The following CNTN6 variants were observed in gnomAD, a reference collection of about 807,000 sequenced individuals.
The protein encoded by CNTN6 is contactin 6, also known as contactin-6.
Under a neutral mutation model 122.8 loss-of-function variants are expected in CNTN6, and 137 were observed. That is an observed-to-expected ratio of 1.12 (90% confidence interval 0.97 to 1.29). The LOEUF is 1.29. CNTN6 is among the 50% of genes most tolerant of loss of function. The probability of loss-of-function intolerance (pLI) is 0.00; values close to 1 mark genes in which losing one functional copy is unlikely to be tolerated. For synonymous variants in CNTN6, 570 were observed against 426.0 expected (o/e 1.34, Z -4.16); for missense variants, 1,634 against 1,223.4 (o/e 1.34, Z -5.01).
chr3:1,380,769 G>T (rs1248657381), intron 17 of CNTN6, among the ~76,000 whole-genome samples: 2 of 152,192 alleles, frequency 1.3e-5, no homozygotes, highest in Admixed American at 1.3e-4. Context: ...CTGCATGCCA[G>T]ATGTGGCTAG....
At chr3:1,219,089 A>T (rs1250811049) in intron 2 of CNTN6, among the ~76,000 whole-genome samples, 2 of 152,254 alleles carry the variant, frequency 1.3e-5, no homozygotes, top group Admixed American at 1.3e-4. Context: ...GATAAAACAG[A>T]TCATCCTCAT....
chr3:1,400,967 GAGTT>G (rs1695613387), intron 20 of CNTN6, among the ~76,000 whole-genome samples: 1 of 151,990 alleles, frequency 6.6e-6, no homozygotes, highest in Non-Finnish European at 1.5e-5. Context: ...AAAATATCTT[GAGTT>G]AGTTGTGTTA....
At chr3:1,275,431 T>C (rs550381137) in intron 4 of CNTN6, among the ~76,000 whole-genome samples, 44 of 152,316 alleles carry the variant, frequency 2.9e-4, no homozygotes, top group Admixed American at 2.9e-3. Context: ...TCACGTATTA[T>C]TCACCTCTAG....
At chr3:1,354,552 T>G (rs1471270817) in intron 12 of CNTN6, among the ~76,000 whole-genome samples, 1 of 150,920 alleles carries the variant, frequency 6.6e-6, no homozygotes, top group Non-Finnish European at 1.5e-5. Context: ...CTTATTATGG[T>G]TTTTTTTCTT....
intron 4 of CNTN6, among the ~76,000 whole-genome samples, chr3:1,256,180 A>AT (rs1204412306): frequency 2.0e-5 from 3 of 152,060 alleles, no homozygotes; most frequent in Non-Finnish European, 4.4e-5. Flanking sequence ...ATAGAATGTA[A>AT]TTTTTAATTA....
intron 4 of CNTN6, among the ~76,000 whole-genome samples, chr3:1,261,649 A>T (rs1348548398): frequency 6.6e-6 from 1 of 152,122 alleles, no homozygotes; most frequent in Non-Finnish European, 1.5e-5. Context: ...ACTGTCCCCC[A>T]ATGTGACAGG....
chr3:1,259,761 T>G (rs1049997712), intron 4 of CNTN6, among the ~76,000 whole-genome samples: 1 of 152,146 alleles, frequency 6.6e-6, no homozygotes, highest in African/African-American at 2.4e-5. Context: ...TACATCAAAA[T>G]TATTTTGAGA....
chr3:1,379,299 C>A (rs1329688829), intron 17 of CNTN6, among the ~76,000 whole-genome samples: 1 of 152,098 alleles, frequency 6.6e-6, no homozygotes, highest in Non-Finnish European at 1.5e-5. Flanking sequence ...TAAATAAATC[C>A]ACCCATAGCT....
chr3:1,193,878 G>A (rs34211898), intron 2 of CNTN6, among the ~76,000 whole-genome samples: 29,399 of 151,978 alleles, frequency 0.19, 3,079 homozygotes, highest in Non-Finnish European at 0.23. Context: ...AGATCAATAC[G>A]TTTTAAGAAT....
chr3:1,174,642 C>G (rs962764528), intron 2 of CNTN6, among the ~76,000 whole-genome samples: 1 of 150,848 alleles, frequency 6.6e-6, no homozygotes, highest in Non-Finnish European at 1.5e-5. Flanking sequence ...ACTTTGGAGT[C>G]CACACTAATC....
At chr3:1,163,266 A>G (rs1283012876) in intron 2 of CNTN6, among the ~76,000 whole-genome samples, 1 of 152,194 alleles carries the variant, frequency 6.6e-6, no homozygotes, top group African/African-American at 2.4e-5. Context: ...GCTGTGTTTC[A>G]TCAAACTTTT....
At position 1,123,798 on chromosome 3, in the gene CNTN6, T is replaced by A. The variant is rs1559356204; in HGVS notation, c.-82-24129T>A. 3.3e-5 allele frequency among the ~76,000 whole-genome samples: 5 copies of A among 152,028 alleles called. No homozygotes were observed. In the South Asian group the frequency reaches 1.0e-3, roughly 31 times the overall value. ...GGGACAGATGTCAGTCTTTTACCAT[T>A]GAGTATGATGTTAGTTGCAGGTTTC... On this transcript the variant is annotated intron_variant, in intron 1 of 22. Transcript: ENST00000446702.
At chr3:1,278,060 C>T (rs1692737982) in intron 4 of CNTN6, among the ~76,000 whole-genome samples, 1 of 152,174 alleles carries the variant, frequency 6.6e-6, no homozygotes, top group Admixed American at 6.5e-5. Context: ...TGGAAGACTG[C>T]AGCAAACTTG....
chr3:1,288,583 G>A (rs979421758), intron 5 of CNTN6, among the ~76,000 whole-genome samples: 2 of 152,158 alleles, frequency 1.3e-5, no homozygotes, highest in African/African-American at 4.8e-5. Flanking sequence ...TATACTTCAA[G>A]TTCTTTATTC....
At chr3:1,386,690 A>G (rs1297380303) in intron 20 of CNTN6, among the ~76,000 whole-genome samples, 1 of 151,168 alleles carries the variant, frequency 6.6e-6, no homozygotes, top group Non-Finnish European at 1.5e-5. Flanking sequence ...CAGACTTTTT[A>G]AAACACATTT....
intron 12 of CNTN6, among the ~76,000 whole-genome samples, chr3:1,370,079 C>CT (rs943953565): frequency 1.3e-5 from 2 of 151,784 alleles, no homozygotes; most frequent in East Asian, 1.9e-4. Flanking sequence ...TAATGTGTAT[C>CT]TTTTTTTATT....
chr3:1,383,558 G>T, intron 19 of CNTN6, 150 bp downstream of exon 19: 1 of 617,696 alleles, frequency 1.6e-6, no homozygotes, highest in Non-Finnish European at 2.8e-6. Flanking sequence ...AGACAGGGTA[G>T]GTGAGCCCCC....
chr3:1,223,402 T>C (rs1318319511), intron 3 of CNTN6, among the ~76,000 whole-genome samples: 1 of 152,180 alleles, frequency 6.6e-6, no homozygotes, highest in Admixed American at 6.5e-5. Context: ...TCAGGGAAAA[T>C]AAGCAATATT....
intron 7 of CNTN6, among the ~76,000 whole-genome samples, chr3:1,301,574 G>T (rs1375650895): frequency 6.6e-6 from 1 of 152,104 alleles, no homozygotes; most frequent in African/African-American, 2.4e-5. Context: ...ATAGAAAATT[G>T]TCAAGGAAAT....
Sources: gnomAD v4.1 joint callset for allele counts (sites outside exome capture counted in the v4.1 genomes callset) on GRCh38, gnomAD v4.1.1 for gene constraint, MANE v1.5 for transcripts, NCBI Gene and HGNC (gene_info 2026-07-23, HGNC 2026-07-21) for gene names.